Variants in PCNX2 observed in about 807,000 individuals in gnomAD.
The protein encoded by PCNX2 is pecanex-like protein 2.
In PCNX2, 168 loss-of-function variants were observed where a neutral mutation model predicts 223.8. The ratio of observed to expected loss-of-function variants is 0.75; its 90% CI spans 0.66 to 0.85. PCNX2 has a LOEUF of 0.85. PCNX2 is among the 40% of genes least tolerant of loss of function. PCNX2 has a pLI of 0.00. For synonymous variants in PCNX2, 1,006 were observed against 1,052.6 expected, an observed-to-expected ratio of 0.96 and a Z score of 0.86; for missense variants, 2,507 against 2,675.5, an observed-to-expected ratio of 0.94 and a Z score of 1.39.
intron 23 of PCNX2, 59 bp from the exon 24 acceptor site, chr1:233,057,349 T>C: frequency 7.3e-7 from 1 of 1,369,450 alleles, no homozygotes; most frequent in Non-Finnish European, 1.0e-6. Context: ...GCAGAAGAGT[T>C]GGTTTATAGA....
At chr1:233,044,812 G>T (rs1417190496) in intron 25 of PCNX2, among the ~76,000 whole-genome samples, 3 of 151,922 alleles carry the variant, frequency 2.0e-5, no homozygotes, top group African/African-American at 7.3e-5. Flanking sequence ...GTGATTACAG[G>T]TGCATGCCAC....
At chr1:233,168,264 C>G (rs1158429566) in intron 17 of PCNX2, among the ~76,000 whole-genome samples, 1 of 152,056 alleles carries the variant, frequency 6.6e-6, no homozygotes, top group Non-Finnish European at 1.5e-5. Flanking sequence ...AAATCATTCA[C>G]AATCATTATA....
chr1:233,062,164 T>C (rs1244606976), intron 23 of PCNX2, among the ~76,000 whole-genome samples: 2 of 152,356 alleles, frequency 1.3e-5, no homozygotes, highest in Admixed American at 1.3e-4. Flanking sequence ...TATTGTAGTT[T>C]GTAAGAACTA....
intron 10 of PCNX2, among the ~76,000 whole-genome samples, chr1:233,224,532 C>T (rs1473287777): frequency 6.6e-6 from 1 of 152,182 alleles, no homozygotes; most frequent in African/African-American, 2.4e-5. Context: ...TCCTGCCTAG[C>T]TCTTACAGTT....
intron 14 of PCNX2, among the ~76,000 whole-genome samples, chr1:233,199,304 G>A (rs1033507717): frequency 3.9e-5 from 6 of 152,186 alleles, no homozygotes; most frequent in African/African-American, 9.7e-5. Context: ...AAGGTAGGGA[G>A]ACCTCATGGC....
At chr1:233,327,305 G>A in the PCNX2 span, among the ~76,000 whole-genome samples, 2 of 151,758 alleles carry the variant, frequency 1.3e-5, no homozygotes, top group African/African-American at 4.8e-5. Flanking sequence ...ATGTGGGCGC[G>A]GCTCACCATT....
At chr1:233,234,638 TG>T (rs1658276073) in intron 9 of PCNX2, among the ~76,000 whole-genome samples, 1 of 152,204 alleles carries the variant, frequency 6.6e-6, no homozygotes, top group South Asian at 2.1e-4. Flanking sequence ...AATCAATGGA[TG>T]TATACATTTG....
At chr1:233,282,318 C>T (rs938583797) in intron 1 of PCNX2, among the ~76,000 whole-genome samples, 11 of 152,112 alleles carry the variant, frequency 7.2e-5, no homozygotes, top group Non-Finnish European at 1.2e-4. Flanking sequence ...AGTCCCTTGG[C>T]GGTAAATATC....
intron 25 of PCNX2, among the ~76,000 whole-genome samples, chr1:233,027,222 A>T (rs1426652478): frequency 1.3e-5 from 2 of 152,048 alleles, no homozygotes; most frequent in Non-Finnish European, 2.9e-5. Flanking sequence ...TAACTGTTAG[A>T]TTTGGCAATA....
At chr1:232,987,038 A>G (rs940553332) in intron 32 of PCNX2, among the ~76,000 whole-genome samples, 6 of 152,216 alleles carry the variant, frequency 3.9e-5, no homozygotes, top group African/African-American at 1.4e-4. Context: ...TTTGCCATGA[A>G]AAAAGAAGAA....
chr1:233,086,484 C>T (rs1181814339), intron 23 of PCNX2, among the ~76,000 whole-genome samples: 2 of 151,326 alleles, frequency 1.3e-5, no homozygotes, highest in Non-Finnish European at 2.9e-5. Flanking sequence ...GGTGAAACCC[C>T]GTCTCTACTA....
At chr1:233,034,205 C>T (rs1159478411) in intron 25 of PCNX2, among the ~76,000 whole-genome samples, 2 of 152,072 alleles carry the variant, frequency 1.3e-5, no homozygotes, top group Non-Finnish European at 2.9e-5. Context: ...AGCGAGAATC[C>T]GTCCCAAAAA....
intron 12 of PCNX2, among the ~76,000 whole-genome samples, chr1:233,214,088 A>G (rs929059416): frequency 3.3e-5 from 5 of 151,034 alleles, no homozygotes; most frequent in African/African-American, 1.2e-4. Context: ...CGGCCTCCCA[A>G]AGTGCTGGGA....
At chr1:233,289,572 G>A (rs960755751) in intron 1 of PCNX2, 7 of 607,964 alleles carry the variant, frequency 1.2e-5, no homozygotes, top group Non-Finnish European at 2.0e-5. Flanking sequence ...GTGAGGGCAG[G>A]AGGCAGGAAG....
intron 23 of PCNX2, among the ~76,000 whole-genome samples, chr1:233,072,661 G>A (rs889258100): frequency 2.6e-5 from 4 of 152,078 alleles, no homozygotes; most frequent in Non-Finnish European, 5.9e-5. Flanking sequence ...GGTCAAGTGT[G>A]GTTTTCTCCC....
At chr1:233,084,667 G>A (rs1470343681) in intron 23 of PCNX2, among the ~76,000 whole-genome samples, 2 of 152,162 alleles carry the variant, frequency 1.3e-5, no homozygotes, top group East Asian at 3.9e-4. Context: ...AGATAACTGG[G>A]CACATGTATC....
intron 25 of PCNX2, among the ~76,000 whole-genome samples, chr1:233,038,874 T>C (rs1671547883): frequency 6.6e-6 from 1 of 152,268 alleles, no homozygotes; most frequent in South Asian, 2.1e-4. Flanking sequence ...AACTATGAGA[T>C]GGCTGATAAC....
intron 13 of PCNX2, among the ~76,000 whole-genome samples, chr1:233,200,963 T>G (rs1365207556): frequency 6.8e-6 from 1 of 147,076 alleles, no homozygotes; most frequent in Non-Finnish European, 1.5e-5. Flanking sequence ...GAGGCGGAGC[T>G]TGCAGTGAGC....
chr1:233,299,929 A>G (rs982107339), upstream of PCNX2, among the ~76,000 whole-genome samples: 3 of 152,212 alleles, frequency 2.0e-5, no homozygotes, highest in African/African-American at 7.2e-5. Context: ...TCAGAAAACA[A>G]CAACAACAAC....
Sources: allele counts gnomAD v4.1 joint callset (sites outside exome capture counted in the v4.1 genomes callset), GRCh38; gene constraint gnomAD v4.1.1; transcripts MANE v1.5; gene names NCBI Gene and HGNC (gene_info 2026-07-23, HGNC 2026-07-21).